Variants in SLC3A2 observed in about 807,000 individuals in gnomAD.
SLC3A2 encodes amino acid transporter heavy chain SLC3A2.
In SLC3A2, 32 loss-of-function variants were observed where a neutral mutation model predicts 48.5. The observed-to-expected ratio is 0.66, with a 90% CI of 0.50 to 0.89. SLC3A2 has a LOEUF of 0.89. Among genes scored for constraint, SLC3A2 ranks in the 40% least tolerant of loss-of-function variants. SLC3A2 has a pLI of 0.00. For synonymous variants in SLC3A2, 277 were observed against 288.8 expected, an observed-to-expected ratio of 0.96 and a Z score of 0.41; for missense variants, 587 against 680.7, an observed-to-expected ratio of 0.86 and a Z score of 1.53.
At chr11:62,877,026 A>G (rs2134999851), upstream of SLC3A2, 1 of 731,794 alleles carries the variant, frequency 1.4e-6, no homozygotes, top group African/African-American at 2.0e-5. Context: ...TTCACATGCT[A>G]GTTTTTTTCA....
chr11:62,888,591 C>T lies in SLC3A2; in HGVS notation c.1488C>T (p.Leu496=). 6.2e-7 allele frequency: 1 copy of T among 1,613,426 alleles called. No individual in the cohort carries two copies. The highest frequency in any genetic ancestry group is 2.2e-5 in the East Asian group (1 of 44,880). ...ASLPAKADLL[L]STQPGREEGS... ...TGCCAGCCAAGGCTGACCTCCTGCT[C>T]AGCACCCAGCCAGGCCGTGAGGAGG... is the stretch of plus-strand genomic sequence containing the variant. The change falls in exon 9 of 9, where the codon CTC becomes CTT. Residue 496 remains leucine (L), a synonymous_variant. Coordinates refer to ENST00000338663, the MANE Select transcript of SLC3A2 (RefSeq NM_001013251.3).
At chr11:62,879,579 T>C (rs562772337), upstream of SLC3A2, among the ~76,000 whole-genome samples, 32 of 152,346 alleles carry the variant, frequency 2.1e-4, no homozygotes, top group African/African-American at 7.2e-4. Context: ...AGGGTGGGGA[T>C]GGGGTTGGAT....
chr11:62,866,258 C>T (rs2085451680), intron 1 of SLC3A2, among the ~76,000 whole-genome samples: 1 of 151,936 alleles, frequency 6.6e-6, no homozygotes. Context: ...GCTGGGATTA[C>T]AGGTGCCTGC....
Position 62,888,451 on chromosome 11 carries a change from T to G in SLC3A2, c.1348T>G (p.Phe450Val). The change falls in exon 9 of 9, where the codon TTC becomes GTC. Residue 450 changes from phenylalanine to valine, a missense_variant. Phe to Val is a conservative substitution (Grantham distance 50). Transcript: ENST00000338663. ...FHAFSAGPGL[F>V]SYIRHWDQNE... is the part of the protein sequence containing the mutation. Reference sequence around the variant, plus strand: ...CGCGTTCTCCGCTGGGCCTGGACTCTTCTCCTATATCCGCCACTGGGACCA... The same window carrying G: ...CGCGTTCTCCGCTGGGCCTGGACTCGTCTCCTATATCCGCCACTGGGACCA... 1.2e-6 allele frequency: 2 copies of G among 1,614,250 alleles called. No homozygotes were observed. The highest frequency in any genetic ancestry group is 1.7e-6 in the Non-Finnish European group (2 of 1,180,044).
intron 1 of SLC3A2, among the ~76,000 whole-genome samples, chr11:62,871,872 G>A (rs866819307): frequency 2.0e-5 from 3 of 151,846 alleles, no homozygotes; most frequent in African/African-American, 7.2e-5. Flanking sequence ...ATTGTTTGGG[G>A]AGCACTAATT....
chr11:62,872,008 GT>G (rs1431537921), intron 1 of SLC3A2, among the ~76,000 whole-genome samples: 7 of 152,100 alleles, frequency 4.6e-5, no homozygotes, highest in African/African-American at 1.7e-4. Context: ...CGCCTCCTGG[GT>G]TCACGCCATT....
chr11:62,866,180 C>T (rs979313687), intron 1 of SLC3A2, among the ~76,000 whole-genome samples: 10 of 150,950 alleles, frequency 6.6e-5, no homozygotes, highest in Non-Finnish European at 1.3e-4. Flanking sequence ...TGCAATGGTA[C>T]GATCTTGGCT....
In SLC3A2 at chr11:62,881,830, G is replaced by T; in HGVS notation, c.425-63G>T. The stretch of plus-strand genomic sequence containing the variant: ...CCCACCCTTAGGCGCTGGGAGAAGG[G>T]AGGGTGGGGAGGTCAGGGGCCTCTC... On this transcript the variant is annotated intron_variant, in intron 1 of 8. Coordinates refer to ENST00000338663, the MANE Select transcript of SLC3A2 (RefSeq NM_001013251.3). This position sits in a 1 kb window ranked among gnomAD's most constrained non-coding sequence, Gnocchi z 4.0. 1.3e-6 allele frequency: 2 copies of T among 1,569,670 alleles called. No individual in the cohort carries two copies.
intron 7 of SLC3A2, among the ~76,000 whole-genome samples, chr11:62,887,059 C>T (rs2085723768): frequency 6.6e-6 from 1 of 152,056 alleles, no homozygotes; most frequent in South Asian, 2.1e-4. Flanking sequence ...GTTTATAGAA[C>T]CAGTTATTCA....
intron 7 of SLC3A2, 114 bp downstream of exon 7, chr11:62,885,722 TAGTC>T (rs199608498): frequency 0.021 from 24,325 of 1,185,364 alleles, 325 homozygotes; most frequent in Middle Eastern, 0.026. Flanking sequence ...GTTTGATTCT[TAGTC>T]AGTAGCTGAG....
In SLC3A2 at chr11:62,884,441, C is replaced by A. The variant is rs1266145250; in HGVS notation, c.691-16C>A. 5 of 1,614,076 alleles carry A rather than the reference C, an allele frequency of 3.1e-6. No homozygotes were observed. Among genetic ancestry groups the A allele is most frequent in the Admixed American group, 1.7e-5 (1 of 60,004 alleles). On this transcript the variant is annotated splice_polypyrimidine_tract_variant and intron_variant, in intron 3 of 8. Coordinates refer to ENST00000338663, the MANE Select transcript of SLC3A2 (RefSeq NM_001013251.3). ...TGAGAACTGATGTCTGTCCTTTATT[C>A]TTCTGCCCCCTATAGGATGCTCTGG...
At chr11:62,867,883 T>G (rs1347360786) in intron 1 of SLC3A2, among the ~76,000 whole-genome samples, 1 of 152,124 alleles carries the variant, frequency 6.6e-6, no homozygotes, top group East Asian at 1.9e-4. Flanking sequence ...AGAAATTTTC[T>G]ACAAATTATT....
Position 62,885,556 on chromosome 11 carries a change from T to C in SLC3A2, c.1091T>C (p.Val364Ala). The C allele has an allele frequency of 6.2e-7, 1 of 1,614,164 alleles. No homozygotes were observed. The highest frequency in any genetic ancestry group is 8.5e-7 in the Non-Finnish European group (1 of 1,180,014). ...CTCTTCACCCTGCCAGGGACCCCTGTTTTCAGCTACGGGGATGAGATTGGC... is the reference window on the plus strand; with the variant it reads ...CTCTTCACCCTGCCAGGGACCCCTGCTTTCAGCTACGGGGATGAGATTGGC... ...LMLFTLPGTP[V>A]FSYGDEIGLD... The change falls in exon 7 of 9, where the codon GTT becomes GCT. Residue 364 changes from valine to alanine, a missense_variant. Transcript: ENST00000338663.
chr11:62,864,954 C>A (rs990124220), intron 1 of SLC3A2, among the ~76,000 whole-genome samples: 4 of 152,084 alleles, frequency 2.6e-5, no homozygotes, highest in Non-Finnish European at 4.4e-5. Context: ...GGTCCATGGA[C>A]AAGCAGACTT....
At chr11:62,871,555 T>A (rs1451070400) in intron 1 of SLC3A2, 15 of 528,494 alleles carry the variant, frequency 2.8e-5, no homozygotes, top group East Asian at 7.6e-5. Flanking sequence ...TTATATAATA[T>A]TATTATTATT....
At chr11:62,870,725 A>ATT (rs754127613) in intron 1 of SLC3A2, 6 of 141,828 alleles carry the variant, frequency 4.2e-5, no homozygotes, top group Non-Finnish European at 7.6e-5. Context: ...TATTATTATT[A>ATT]TTTTTTTTTT....
At chr11:62,866,268 C>T (rs1020254995) in intron 1 of SLC3A2, among the ~76,000 whole-genome samples, 1 of 151,948 alleles carries the variant, frequency 6.6e-6, no homozygotes, top group Non-Finnish European at 1.5e-5. Flanking sequence ...CAGGTGCCTG[C>T]CGCCATCCCC....
chr11:62,861,718 C>G (rs555410852), intron 1 of SLC3A2, among the ~76,000 whole-genome samples: 1 of 152,094 alleles, frequency 6.6e-6, no homozygotes, highest in East Asian at 1.9e-4. Context: ...GAGTTCGAGA[C>G]CAGCCTGACC....
chr11:62,866,888 T>A (rs1318489926), intron 1 of SLC3A2, among the ~76,000 whole-genome samples: 1 of 152,244 alleles, frequency 6.6e-6, no homozygotes, highest in East Asian at 1.9e-4. Flanking sequence ...TTCTACCTTT[T>A]GGGGCAGATG....
Sources: allele counts gnomAD v4.1 joint callset (sites outside exome capture counted in the v4.1 genomes callset), GRCh38; gene constraint gnomAD v4.1.1; non-coding constraint Gnocchi (gnomAD v3.1); transcripts MANE v1.5; gene names NCBI Gene and HGNC (gene_info 2026-07-23, HGNC 2026-07-21).